The following GALK2 variants were observed in gnomAD, a reference collection of about 807,000 sequenced individuals.
GALK2 encodes galactokinase 2, also known as N-acetylgalactosamine kinase.
Under a neutral mutation model 52.4 loss-of-function variants are expected in GALK2, and 36 were observed. That is an observed-to-expected ratio of 0.69 (90% confidence interval 0.53 to 0.91). The LOEUF (loss-of-function observed/expected upper bound fraction) is 0.91, where lower values mean the gene tolerates loss of function less well. GALK2 is among the 40% of genes least tolerant of loss of function. GALK2 has a pLI of 0.00. For synonymous variants in GALK2, 176 were observed against 199.1 expected (o/e 0.88, Z 0.98); for missense variants, 579 against 559.1 (o/e 1.04, Z -0.36).
At chr15:49,212,590 T>A (rs2089011471) in intron 2 of GALK2, among the ~76,000 whole-genome samples, 1 of 152,204 alleles carries the variant, frequency 6.6e-6, no homozygotes, top group South Asian at 2.1e-4. Context: ...AGATTCATCT[T>A]TAGGTTGCTT....
At chr15:49,308,977 A>G (rs1337233320) in intron 8 of GALK2, among the ~76,000 whole-genome samples, 2 of 152,308 alleles carry the variant, frequency 1.3e-5, no homozygotes, top group East Asian at 1.9e-4. Flanking sequence ...CTTGCATTCT[A>G]TGGTAGAAGC....
chr15:49,225,479 G>A (rs1349980393), intron 3 of GALK2: 2 of 294,256 alleles, frequency 6.8e-6, no homozygotes, highest in Admixed American at 9.0e-5. Context: ...TAGGTTGCAT[G>A]CTCCTTATGA....
Position 49,367,601 on chromosome 15 carries a change from T to C in GALK2, c.*65T>C, listed in dbSNP as rs967922540. 9.0e-6 allele frequency: 14 copies of C among 1,562,814 alleles called. No individual in the cohort carries two copies. In the East Asian group the frequency reaches 9.5e-5, roughly 11 times the overall value. ...ATTAAACTCTGGACCAGTACTACTA[T>C]AGTGCGACTGTAAGAGGAAGAAAAT... On this transcript the variant is annotated 3_prime_UTR_variant, in exon 4 of 4. Transcript: ENST00000558399.
intron 8 of GALK2, among the ~76,000 whole-genome samples, chr15:49,302,634 A>T (rs2035210410): frequency 6.6e-6 from 1 of 152,194 alleles, no homozygotes; most frequent in South Asian, 2.1e-4. Context: ...ATTATGAAGG[A>T]AATTGATTTA....
intron 5 of GALK2, among the ~76,000 whole-genome samples, chr15:49,269,474 A>G (rs1197987051): frequency 2.6e-5 from 4 of 152,174 alleles, no homozygotes; most frequent in Admixed American, 2.6e-4. Flanking sequence ...CTACTGTTTC[A>G]TGAAGTTTTC....
chr15:49,223,547 C>G lies in GALK2; in HGVS notation c.266+6234C>G, dbSNP rs192806958. 8.5e-5 allele frequency among the ~76,000 whole-genome samples: 13 copies of G among 152,296 alleles called. No individual in the cohort carries two copies. The East Asian group carries it at 2.3e-3, about 27-fold the overall frequency. Reference sequence around the variant, plus strand: ...CTTCCTGCCTCCCTACTGCCCCCGCCATTGCTTACTAGTCCTCAGTGTCTA... The same window carrying G: ...CTTCCTGCCTCCCTACTGCCCCCGCGATTGCTTACTAGTCCTCAGTGTCTA... On this transcript the variant is annotated intron_variant, in intron 3 of 9. Transcript: ENST00000560031.
At chr15:49,192,485 GTATATATATATATATATATATATA>G (rs58230206) in intron 1 of GALK2, among the ~76,000 whole-genome samples, 10 of 102,972 alleles carry the variant, frequency 9.7e-5, no homozygotes, top group East Asian at 3.0e-4. Flanking sequence ...ATATATATAT[GTATATATATATATATATATATATA>G]TATATATATA....
chr15:49,171,775 TTA>T (rs1491427270), intron 1 of GALK2, among the ~76,000 whole-genome samples: 132 of 89,674 alleles, frequency 1.5e-3, no homozygotes, highest in Middle Eastern at 7.4e-3. Context: ...TAGTTTAGTC[TTA>T]TTTTTTTTTT....
In GALK2 at chr15:49,358,969, G is replaced by C. The variant is rs895488896; in HGVS notation, c.427-8522G>C. 2.2e-4 allele frequency among the ~76,000 whole-genome samples: 33 copies of C among 149,686 alleles called. No homozygotes were observed. In the South Asian group the frequency reaches 4.5e-3, roughly 20 times the overall value. ...ACTATCTGATCTTTGACAAACCTGA[G>C]AAAAACAAGCAATGGGGAAAGGATT... On this transcript the variant is annotated intron_variant, in intron 3 of 3. Coordinates refer to the GALK2 transcript ENST00000558399.
intron 8 of GALK2, among the ~76,000 whole-genome samples, chr15:49,299,752 T>TTTCTTTCTTTCTTTCTTTCC: frequency 7.3e-6 from 1 of 136,626 alleles, no homozygotes; most frequent in Non-Finnish European, 1.6e-5. Context: ...TCTTTCTTTC[T>TTTCTTTCTTTCTTTCTTTCC]TTCTTTCTTT....
chr15:49,171,365 A>AGC (rs1443025838), intron 1 of GALK2, among the ~76,000 whole-genome samples: 4 of 152,064 alleles, frequency 2.6e-5, no homozygotes, highest in Middle Eastern at 3.4e-3. Flanking sequence ...TACAGACGTG[A>AGC]GCCATCGCGC....
chr15:49,219,220 G>A (rs1183676864), intron 3 of GALK2, among the ~76,000 whole-genome samples: 1 of 152,112 alleles, frequency 6.6e-6, no homozygotes, highest in Non-Finnish European at 1.5e-5. Flanking sequence ...GGAGGAACCT[G>A]GTAGGAGGTA....
At chr15:49,340,494 T>C (rs1008103366) in intron 3 of GALK2, among the ~76,000 whole-genome samples, 1 of 147,622 alleles carries the variant, frequency 6.8e-6, no homozygotes, top group Non-Finnish European at 1.5e-5. Flanking sequence ...GGTACCTCAG[T>C]TGGAAATGCA....
chr15:49,292,875 C>T (rs1392204158), intron 8 of GALK2, among the ~76,000 whole-genome samples: 1 of 152,102 alleles, frequency 6.6e-6, no homozygotes, highest in East Asian at 1.9e-4. Context: ...ACTGCTCTAA[C>T]TCTGTGAAAC....
intron 8 of GALK2, among the ~76,000 whole-genome samples, chr15:49,299,685 G>T (rs1419590675): frequency 6.8e-6 from 1 of 148,098 alleles, no homozygotes; most frequent in Non-Finnish European, 1.5e-5. Flanking sequence ...GGATTGTATG[G>T]TTTTGAGAGA....
intron 1 of GALK2, among the ~76,000 whole-genome samples, chr15:49,184,099 A>G (rs1366673732): frequency 6.6e-6 from 1 of 152,122 alleles, no homozygotes; most frequent in Non-Finnish European, 1.5e-5. Context: ...TTTGGGGCCT[A>G]TCTCTCTTTT....
Position 49,195,435 on chromosome 15 carries a change from G to A in GALK2, c.54-5727G>A, listed in dbSNP as rs368736334. ...AACTTTTCTTAAATAGATTTTGCAC[G>A]TTTATTAAGTTTGTTTGTAAGCATT... On this transcript the variant is annotated intron_variant, in intron 1 of 9. Coordinates refer to ENST00000560031, the MANE Select transcript of GALK2 (RefSeq NM_002044.4). Among the ~76,000 whole-genome samples the A allele has an allele frequency of 3.9e-5, 6 of 152,252 alleles. No individual in the cohort carries two copies. The East Asian group carries it at 5.8e-4, about 15-fold the overall frequency.
At chr15:49,200,047 T>G (rs576281489) in intron 1 of GALK2, among the ~76,000 whole-genome samples, 1 of 152,320 alleles carries the variant, frequency 6.6e-6, no homozygotes, top group East Asian at 1.9e-4. Flanking sequence ...CTGAATATAT[T>G]AGGCTTTAAT....
intron 7 of GALK2, among the ~76,000 whole-genome samples, chr15:49,289,042 CTT>C (rs562583731): frequency 1.3e-5 from 2 of 152,324 alleles, no homozygotes; most frequent in South Asian, 4.1e-4. Flanking sequence ...GTGAAACACT[CTT>C]TTATGTGCTC....
Sources: gnomAD v4.1 joint callset for allele counts (sites outside exome capture counted in the v4.1 genomes callset) on GRCh38, gnomAD v4.1.1 for gene constraint, MANE v1.5 for transcripts, NCBI Gene and HGNC (gene_info 2026-07-23, HGNC 2026-07-21) for gene names.